CFAP20DC: variants seen among roughly 807,000 people sequenced by gnomAD.
CFAP20DC encodes the protein CFAP20 domain containing.
CFAP20DC carries 84 observed loss-of-function variants against 101.7 expected under a neutral mutation model. The observed-to-expected ratio is 0.83, with a 90% CI of 0.69 to 0.99. CFAP20DC has a LOEUF of 0.99. CFAP20DC is among the 50% of genes least tolerant of loss of function. CFAP20DC has a pLI of 0.00. For missense variants in CFAP20DC, 1,007 were observed against 970.3 expected (o/e 1.04, Z -0.50); for synonymous variants, 359 against 351.2 (o/e 1.02, Z -0.25).
chr3:58,913,758 C>G lies in CFAP20DC; in HGVS notation c.500G>C (p.Arg167Pro), dbSNP rs935685689. 6.2e-7 allele frequency: 1 copy of G among 1,613,622 alleles called. No individual in the cohort carries two copies. The highest frequency in any genetic ancestry group is 1.1e-5 in the South Asian group (1 of 91,068). ...GIVVSANCKL[R>P]KIFTLKSKPQ... ...CTTTGATTTTAAGGTGAAGATCTTC[C>G]GTAGCTTACAGTTAGCTGAGACAAC... The change falls in exon 6 of 17, where the codon CGG becomes CCG. Residue 167 changes from arginine (R) to proline (P), a missense_variant. By Grantham distance (103) the Arg-to-Pro change is moderately radical. Transcript: ENST00000482387. This position sits in a 1 kb window ranked among gnomAD's most constrained non-coding sequence, Gnocchi z 4.4.
intron 4 of CFAP20DC, among the ~76,000 whole-genome samples, chr3:59,000,532 T>C (rs2093279194): frequency 6.6e-6 from 1 of 152,154 alleles, no homozygotes; most frequent in African/African-American, 2.4e-5. Context: ...GACAGGGGAC[T>C]ATGAAGAGAT....
At chr3:58,718,529 G>C (rs936977264) in intron 3 of CFAP20DC, among the ~76,000 whole-genome samples, 5 of 152,172 alleles carry the variant, frequency 3.3e-5, no homozygotes, top group Non-Finnish European at 5.9e-5. Flanking sequence ...ATCCACCTGA[G>C]AGCCAATTCC....
chr3:58,821,738 G>A (rs1244810601), intron 14 of CFAP20DC, among the ~76,000 whole-genome samples: 23 of 151,024 alleles, frequency 1.5e-4, no homozygotes, highest in Admixed American at 6.6e-4. Flanking sequence ...TCAGTGTGGC[G>A]ATTCCTCAGG....
rs935647024 is a variant in CFAP20DC, at chr3:58,971,412, T to C, written c.279-33650A>G. ...AAAATCTGTCAAATGTTTTAAAATATCTCCGACATTCACTCTTTAGATCTT... is the reference window on the plus strand; with the variant it reads ...AAAATCTGTCAAATGTTTTAAAATACCTCCGACATTCACTCTTTAGATCTT... On this transcript the variant is annotated intron_variant, in intron 4 of 16. Transcript: ENST00000482387. The surrounding 1 kb of genome is among the most constrained non-coding windows in gnomAD (Gnocchi z 4.1). Among the ~76,000 whole-genome samples, 1 of 152,158 alleles carries C rather than the reference T, an allele frequency of 6.6e-6. No individual in the cohort carries two copies. The highest frequency in any genetic ancestry group is 1.9e-4 in the East Asian group (1 of 5,202).
rs1301416508 is a variant in CFAP20DC, at chr3:58,874,785, A to G, written c.716-4476T>C. ...CAGAATTGAACTTTTACACATGTCC[A>G]TGGGATTCTCTAATTAATGTGTGCT... On this transcript the variant is annotated intron_variant, in intron 7 of 16. Coordinates refer to ENST00000482387, the MANE Select transcript of CFAP20DC (RefSeq NM_001394063.1). This position sits in a 1 kb window ranked among gnomAD's most constrained non-coding sequence, Gnocchi z 5.1. Among the ~76,000 whole-genome samples, 1 of 152,168 alleles carries G rather than the reference A, an allele frequency of 6.6e-6. No homozygotes were observed. Among genetic ancestry groups the G allele is most frequent in the Non-Finnish European group, 1.5e-5 (1 of 68,032 alleles).
At chr3:58,997,908 T>C (rs962581039) in intron 4 of CFAP20DC, among the ~76,000 whole-genome samples, 1 of 152,052 alleles carries the variant, frequency 6.6e-6, no homozygotes, top group Non-Finnish European at 1.5e-5. Flanking sequence ...AGCAAAGAAT[T>C]AGACAAATAA....
intron 4 of CFAP20DC, among the ~76,000 whole-genome samples, chr3:59,016,106 C>T (rs964483259): frequency 3.3e-5 from 5 of 151,882 alleles, no homozygotes; most frequent in African/African-American, 1.2e-4. Context: ...TGAGAGATAG[C>T]TAAGATATGG....
intron 16 of CFAP20DC, among the ~76,000 whole-genome samples, chr3:58,753,218 C>T (rs1317922681): frequency 3.9e-5 from 6 of 152,146 alleles, no homozygotes; most frequent in African/African-American, 4.8e-5. Context: ...ATTGTAGCTA[C>T]GTGACAACTT....
Position 58,869,254 on chromosome 3 carries a change from GCT to G in CFAP20DC, c.1015+72_1015+73del, listed in dbSNP as rs2079937468. 8.3e-7 allele frequency: 1 copy of G among 1,200,492 alleles called. No homozygotes were observed. Among genetic ancestry groups the G allele is most frequent in the Admixed American group, 2.2e-5 (1 of 46,130 alleles). 74.4% of individuals were successfully genotyped at this position (1,200,492 alleles called of 1,614,324 possible). ...TTAAGATCTAGACTTGAATATAACTGCTGATTTATCTTAACAAGAACATTTCT... is the reference window on the plus strand; with the variant it reads ...TTAAGATCTAGACTTGAATATAACTGGATTTATCTTAACAAGAACATTTCT... On this transcript the variant is annotated intron_variant, in intron 9 of 16. Transcript: ENST00000482387. The surrounding 1 kb of genome is among the most constrained non-coding windows in gnomAD (Gnocchi z 4.3).
At chr3:59,012,587 G>T (rs140817023) in intron 4 of CFAP20DC, among the ~76,000 whole-genome samples, 12 of 152,204 alleles carry the variant, frequency 7.9e-5, no homozygotes, top group African/African-American at 2.9e-4. Context: ...CAATACCACA[G>T]TAAAGCTCAT....
intron 4 of CFAP20DC, among the ~76,000 whole-genome samples, chr3:58,939,177 T>C (rs2088143957): frequency 6.6e-6 from 1 of 152,296 alleles, no homozygotes; most frequent in South Asian, 2.1e-4. Context: ...TAGTAACATA[T>C]TTATATATTT....
At chr3:59,043,198 G>A (rs957701924) in intron 3 of CFAP20DC, among the ~76,000 whole-genome samples, 1 of 152,138 alleles carries the variant, frequency 6.6e-6, no homozygotes, top group Non-Finnish European at 1.5e-5. Context: ...AAGGGAGTAA[G>A]TGTAGATAGA....
downstream of CFAP20DC, among the ~76,000 whole-genome samples, chr3:58,741,528 G>A (rs554651453): frequency 6.7e-6 from 1 of 149,494 alleles, no homozygotes; most frequent in Non-Finnish European, 1.5e-5. Context: ...ACAGAGTCTC[G>A]CTCTGTTGCC....
rs1559812544 is a variant in CFAP20DC at position 58,913,731 on chromosome 3, G to A, written c.527C>T (p.Pro176Leu). The change falls in exon 6 of 17, where the codon CCA (proline) becomes CTA (leucine). Residue 176 changes from proline (P) to leucine (L), a missense_variant. Transcript: ENST00000482387. This position sits in a 1 kb window ranked among gnomAD's most constrained non-coding sequence, Gnocchi z 4.4. ...ACCATCCTTATCAGCAGTGTCTTGT[G>A]GCTTTGATTTTAAGGTGAAGATCTT... The part of the protein sequence containing the change: ...LRKIFTLKSK[P>L]QDTADKDAVY... The A allele has an allele frequency of 6.2e-7, 1 of 1,613,634 alleles. No individual in the cohort carries two copies. The highest frequency in any genetic ancestry group is 8.5e-7 in the Non-Finnish European group (1 of 1,179,768).
chr3:59,030,639 T>C (rs1241666424), intron 4 of CFAP20DC, among the ~76,000 whole-genome samples: 2 of 152,172 alleles, frequency 1.3e-5, no homozygotes, highest in African/African-American at 4.8e-5. Context: ...ATATAGTCAT[T>C]ATCCCCAACA....
At chr3:58,984,136 C>A (rs914516125) in intron 4 of CFAP20DC, among the ~76,000 whole-genome samples, 9 of 152,160 alleles carry the variant, frequency 5.9e-5, no homozygotes, top group Non-Finnish European at 2.9e-5. Flanking sequence ...GTTGGCAGGA[C>A]AAGTTGGTGA....
chr3:58,907,135 G>C (rs1445182934), intron 6 of CFAP20DC, among the ~76,000 whole-genome samples: 1 of 152,002 alleles, frequency 6.6e-6, no homozygotes, highest in African/African-American at 2.4e-5. Flanking sequence ...GTGTGTGTCT[G>C]TGTAAATGTC....
chr3:58,953,762 T>TA (rs1431980445), intron 4 of CFAP20DC: 1 of 152,166 alleles, frequency 6.6e-6, no homozygotes, highest in Non-Finnish European at 1.5e-5. Context: ...AGGCTGCTTG[T>TA]AAAACAGCTC....
At chr3:58,758,879 A>G (rs1053663122) in intron 15 of CFAP20DC, among the ~76,000 whole-genome samples, 4 of 152,108 alleles carry the variant, frequency 2.6e-5, no homozygotes. Context: ...ATCCTTTTTT[A>G]TGGCTGCATA....
Sources: allele counts gnomAD v4.1 joint callset (sites outside exome capture counted in the v4.1 genomes callset), GRCh38; gene constraint gnomAD v4.1.1; non-coding constraint Gnocchi (gnomAD v3.1); transcripts MANE v1.5; gene names NCBI Gene and HGNC (gene_info 2026-07-23, HGNC 2026-07-21).